Variants in DDX43 observed in about 807,000 individuals in gnomAD.
DDX43 encodes probable ATP-dependent RNA helicase DDX43.
Under a neutral mutation model 84.9 loss-of-function variants are expected in DDX43, and 50 were observed. That is an observed-to-expected ratio of 0.59 (90% CI 0.47 to 0.75). The LOEUF (loss-of-function observed/expected upper bound fraction) is 0.75, where lower values mean the gene tolerates loss of function less well. DDX43 is among the 30% of genes least tolerant of loss of function. DDX43 has a pLI of 0.00. For missense variants in DDX43, 689 were observed against 798.6 expected, an observed-to-expected ratio of 0.86 and a Z score of 1.65; for synonymous variants, 291 against 266.3, an observed-to-expected ratio of 1.09 and a Z score of -0.90.
chr6:73,400,177 C>G (rs1422270751), intron 2 of DDX43, 57 bp from the exon 3 acceptor site: 2 of 1,502,218 alleles, frequency 1.3e-6, no homozygotes, highest in African/African-American at 2.8e-5. Flanking sequence ...GCTTAGGGAA[C>G]TTTTTATGTT....
Position 73,395,025 on chromosome 6 carries a change from T to C in DDX43, c.120T>C (p.Pro40=), listed in dbSNP as rs1372851550. 6.2e-7 allele frequency: 1 copy of C among 1,614,106 alleles called. No homozygotes were observed. The highest frequency in any genetic ancestry group is 8.5e-7 in the Non-Finnish European group (1 of 1,180,046). Residue 40 remains proline (P), a synonymous_variant, in exon 1 of 17, where the codon CCT becomes CCC. Transcript: ENST00000370336. ...CGGAGGAGTTGAATCGAACAGGTCC[T>C]GAGGGATATAGTGTCGGCAGAGGTG... The part of the protein sequence containing the change: ...RPAEELNRTG[P]EGYSVGRGGR...
Position 73,407,602 on chromosome 6 carries a change from A to G in DDX43, c.1024A>G (p.Lys342Glu), listed in dbSNP as rs1331061220. Reference protein sequence around the residue: ...VEGECCKYSYKGLRSVCVYGG... With the variant: ...VEGECCKYSYEGLRSVCVYGG... The stretch of plus-strand genomic sequence containing the variant: ...AGGAGAATGTTGCAAATATTCATAT[A>G]AAGGGCTTCGGAGGTAAGTAATTTT... The change falls in exon 8 of 17, where the codon AAA becomes GAA. Residue 342 changes from lysine to glutamate, a missense_variant. Transcript: ENST00000370336. 8 of 1,611,054 alleles carry G rather than the reference A, an allele frequency of 5.0e-6. No individual in the cohort carries two copies. The Admixed American group carries it at 5.0e-5, about 10-fold the overall frequency.
chr6:73,408,794 G>A (rs1562285042), intron 9 of DDX43, among the ~76,000 whole-genome samples: 1 of 152,136 alleles, frequency 6.6e-6, no homozygotes, highest in South Asian at 2.1e-4. Flanking sequence ...AACCTCAGGT[G>A]ATCCGCCTGC....
intron 2 of DDX43, 120 bp downstream of exon 2, chr6:73,397,864 G>C: frequency 4.8e-6 from 4 of 834,286 alleles, no homozygotes. Context: ...GTGCAGTGAC[G>C]TGATATCAGT....
intron 2 of DDX43, among the ~76,000 whole-genome samples, chr6:73,398,393 A>G (rs1028643341): frequency 6.6e-6 from 1 of 152,106 alleles, no homozygotes; most frequent in African/African-American, 2.4e-5. Flanking sequence ...CTGGGATTAC[A>G]GGCCCCCGCC....
chr6:73,415,992 C>T (rs1308077252), intron 15 of DDX43, 121 bp from the exon 16 acceptor site: 1 of 636,234 alleles, frequency 1.6e-6, no homozygotes, highest in Non-Finnish European at 2.8e-6. Context: ...ATCGAGATAC[C>T]TGTTTCTGTT....
chr6:73,400,653 C>T (rs1769549427), intron 3 of DDX43, among the ~76,000 whole-genome samples: 1 of 152,144 alleles, frequency 6.6e-6, no homozygotes, highest in African/African-American at 2.4e-5. Context: ...CTAGTTCTCA[C>T]AAGCAGGGAA....
In DDX43 at chr6:73,394,890, G is replaced by A. The variant is rs752195879; in HGVS notation, c.-16G>A. On this transcript the variant is annotated 5_prime_UTR_variant, in exon 1 of 17. Transcript: ENST00000370336. The stretch of plus-strand genomic sequence containing the variant: ...GCTGGACGGCAACGACGTCGGACGC[G>A]CCCCTTCTTGGAACAATGTCCCACC... 117 of 1,613,206 alleles carry A rather than the reference G, an allele frequency of 7.3e-5. 1 individual carries two copies. The highest frequency in any genetic ancestry group is 4.5e-4 in the South Asian group (41 of 91,058).
chr6:73,394,891 C>T lies in DDX43; in HGVS notation c.-15C>T, dbSNP rs755608861. On this transcript the variant is annotated 5_prime_UTR_variant, in exon 1 of 17. Coordinates refer to ENST00000370336, the MANE Select transcript of DDX43 (RefSeq NM_018665.3). ...CTGGACGGCAACGACGTCGGACGCG[C>T]CCCTTCTTGGAACAATGTCCCACCA... is the stretch of plus-strand genomic sequence containing the variant. 1.9e-6 allele frequency: 3 copies of T among 1,613,218 alleles called. No homozygotes were observed. Among genetic ancestry groups the T allele is most frequent in the Admixed American group, 1.7e-5 (1 of 59,950 alleles).
intron 4 of DDX43, among the ~76,000 whole-genome samples, chr6:73,402,358 A>C (rs1300131438): frequency 1.3e-5 from 2 of 152,214 alleles, no homozygotes; most frequent in Non-Finnish European, 2.9e-5. Flanking sequence ...AAGAGCAAAA[A>C]AAAAGGGAAA....
At chr6:73,399,579 G>C (rs1301569561) in intron 2 of DDX43, among the ~76,000 whole-genome samples, 6 of 152,158 alleles carry the variant, frequency 3.9e-5, no homozygotes, top group Non-Finnish European at 8.8e-5. Context: ...AAATACTGTA[G>C]TTGATAAACA....
intron 1 of DDX43, 106 bp from the exon 2 acceptor site, chr6:73,397,583 A>G: frequency 1.2e-6 from 1 of 865,582 alleles, no homozygotes; most frequent in African/African-American, 1.7e-5. Context: ...GAACCCTAGG[A>G]GCATTTGGGG....
intron 9 of DDX43, among the ~76,000 whole-genome samples, chr6:73,408,578 C>T (rs1474892939): frequency 1.3e-5 from 2 of 150,934 alleles, no homozygotes; most frequent in African/African-American, 2.4e-5. Context: ...TATTTTAAGA[C>T]ACAGTTTTGC....
Position 73,394,931 on chromosome 6 carries a change from A to G in DDX43, c.26A>G (p.Lys9Arg), listed in dbSNP as rs1441914521. 2.5e-6 allele frequency: 4 copies of G among 1,614,236 alleles called. No individual in the cohort carries two copies. The Admixed American group carries it at 5.0e-5, about 20-fold the overall frequency. ...ATGTCCCACCACGGAGGAGCTCCCA[A>G]GGCCTCTACGTGGGTCGTTGCTAGT... MSHHGGAP[K>R]ASTWVVASRR... is the part of the protein sequence containing the mutation. The change falls in exon 1 of 17, where the codon AAG becomes AGG. Residue 9 changes from lysine to arginine, a missense_variant. Physicochemically the swap from Lys to Arg is conservative, Grantham distance 26. Transcript: ENST00000370336.
At chr6:73,409,579 T>C (rs930556822) in intron 10 of DDX43, among the ~76,000 whole-genome samples, 2 of 152,236 alleles carry the variant, frequency 1.3e-5, no homozygotes, top group African/African-American at 4.8e-5. Context: ...CTTATCATAG[T>C]AAGGTCTCAC....
intron 2 of DDX43, 112 bp from the exon 3 acceptor site, chr6:73,400,122 C>A: frequency 1.2e-6 from 1 of 838,990 alleles, no homozygotes; most frequent in Non-Finnish European, 1.8e-6. Flanking sequence ...TTACTTTATA[C>A]TGTAATAGAT....
intron 9 of DDX43, among the ~76,000 whole-genome samples, chr6:73,408,368 G>A (rs1769720064): frequency 6.6e-6 from 1 of 151,776 alleles, no homozygotes; most frequent in Admixed American, 6.6e-5. Flanking sequence ...GGAGGCAGAG[G>A]TTGCAGAAAG....
At chr6:73,410,247 A>T (rs758433825) in intron 10 of DDX43, among the ~76,000 whole-genome samples, 3 of 152,076 alleles carry the variant, frequency 2.0e-5, no homozygotes, top group Non-Finnish European at 4.4e-5. Context: ...GCTAACTGCA[A>T]CCTCTGCCTC....
intron 4 of DDX43, 24 bp from the exon 5 acceptor site, chr6:73,404,666 T>C (rs906850291): frequency 1.3e-6 from 2 of 1,555,958 alleles, no homozygotes; most frequent in Non-Finnish European, 1.8e-6. Context: ...TTTATCAAAG[T>C]GTGGATTTTC....
Sources: allele counts gnomAD v4.1 joint callset (sites outside exome capture counted in the v4.1 genomes callset), GRCh38; gene constraint gnomAD v4.1.1; transcripts MANE v1.5; gene names NCBI Gene and HGNC (gene_info 2026-07-23, HGNC 2026-07-21).